ACTN4: variants seen among roughly 807,000 people sequenced by gnomAD.
ACTN4 encodes actinin alpha 4.
Under a neutral mutation model 114.2 loss-of-function variants are expected in ACTN4, and 18 were observed. The ratio of observed to expected loss-of-function variants is 0.16; its 90% CI spans 0.11 to 0.23. ACTN4 has a LOEUF of 0.23. Ranked by LOEUF, ACTN4 falls within the 10% of genes least tolerant of loss-of-function variation. ACTN4 has a pLI of 1.00. For synonymous variants in ACTN4, 515 were observed against 506.3 expected (o/e 1.02, Z -0.23); for missense variants, 722 against 1,262.9 (o/e 0.57, Z 6.49).
chr19:38,716,991 A>G, intron 9 of ACTN4, 95 bp from the exon 10 acceptor site: 1 of 1,378,060 alleles, frequency 7.3e-7, no homozygotes, highest in Admixed American at 2.0e-5. Context: ...GGGGCCCTCA[A>G]AGATCCAGAT....
intron 1 of ACTN4, among the ~76,000 whole-genome samples, chr19:38,680,997 G>A (rs1599790924): frequency 6.6e-6 from 1 of 151,932 alleles, no homozygotes; most frequent in African/African-American, 2.4e-5. Flanking sequence ...GTGGTGGTAT[G>A]TGCCTGTAAT....
In ACTN4 at chr19:38,729,262, T is replaced by G. The variant is rs763407688; in HGVS notation, c.2578-12T>G. On this transcript the variant is annotated splice_polypyrimidine_tract_variant and intron_variant, in intron 20 of 20. Transcript: ENST00000252699. ...GTGGGGATGGCTCAGAGTCCCATCCTGCCTGCCCCAGAACTTCATCACAGC... is the reference window on the plus strand; with the variant it reads ...GTGGGGATGGCTCAGAGTCCCATCCGGCCTGCCCCAGAACTTCATCACAGC... 3.7e-6 allele frequency: 6 copies of G among 1,612,672 alleles called. No individual in the cohort carries two copies. The East Asian group carries it at 1.3e-4, about 36-fold the overall frequency.
chr19:38,676,285 G>A (rs1967371993), intron 1 of ACTN4, among the ~76,000 whole-genome samples: 1 of 152,220 alleles, frequency 6.6e-6, no homozygotes, highest in South Asian at 2.1e-4. Context: ...AGATAAGTAA[G>A]CATTGAGCAT....
At chr19:38,694,914 A>T (rs1257646733) in intron 1 of ACTN4, among the ~76,000 whole-genome samples, 2 of 151,904 alleles carry the variant, frequency 1.3e-5, no homozygotes, top group African/African-American at 4.8e-5. Context: ...TGGCTCTGTC[A>T]CCGAGGCTGG....
chr19:38,730,927 CAG>C lies in ACTN4; in HGVS notation c.*1498_*1499del, dbSNP rs1969536697. The C allele has an allele frequency of 6.4e-7, 1 of 1,550,436 alleles. No individual in the cohort carries two copies. The highest frequency in any genetic ancestry group is 1.2e-5 in the South Asian group (1 of 84,078). ...GGCTTGAGGCAGGGAGCTCGCAGGACAGAGCCTGAGCCACCCTGTCCCTCCCA... is the reference window on the plus strand; with the variant it reads ...GGCTTGAGGCAGGGAGCTCGCAGGACAGCCTGAGCCACCCTGTCCCTCCCA... On this transcript the variant is annotated 3_prime_UTR_variant, in exon 21 of 21. Transcript: ENST00000252699.
At chr19:38,707,902 C>T (rs1351292496) in intron 5 of ACTN4, among the ~76,000 whole-genome samples, 1 of 152,250 alleles carries the variant, frequency 6.6e-6, no homozygotes, top group East Asian at 1.9e-4. Flanking sequence ...CGAGGTCACA[C>T]TGTCAGTAGG....
In ACTN4 at chr19:38,723,737, A is replaced by C; in HGVS notation, c.1551+15A>C. On this transcript the variant is annotated intron_variant, in intron 13 of 20. Transcript: ENST00000252699. ...AAGCCCTGGAGGTGAGGAGGGGGTG[A>C]CATCACCCACGGAGCTCTGTGCCCC... 1 of 1,587,126 alleles carries C rather than the reference A, an allele frequency of 6.3e-7. No homozygotes were observed. The highest frequency in any genetic ancestry group is 8.6e-7 in the Non-Finnish European group (1 of 1,160,626).
At chr19:38,665,273 G>A (rs919343476) in intron 1 of ACTN4, among the ~76,000 whole-genome samples, 3 of 152,170 alleles carry the variant, frequency 2.0e-5, no homozygotes, top group East Asian at 1.9e-4. Context: ...CTCCACCACC[G>A]GCTGGCTGTG....
chr19:38,724,333 G>T lies in ACTN4; in HGVS notation c.1869G>T (p.Trp623Cys). 3 of 1,613,556 alleles carry T rather than the reference G, an allele frequency of 1.9e-6. No homozygotes were observed. The highest frequency in any genetic ancestry group is 1.3e-5 in the African/African-American group (1 of 75,058). ...TVTPQIINSK[W>C]EKVQQLVPKR... is the part of the protein sequence containing the mutation. ...CCCCGCAAATCATCAACTCCAAGTG[G>T]GAGAAGGTGGGCCGGGGCCATCCGT... Residue 623 changes from tryptophan to cysteine, a missense_variant, in exon 15 of 21, where the codon TGG becomes TGT. Trp to Cys is a radical substitution (Grantham distance 215). This residue lies in a region of ACTN4 where 523 missense variants were observed against 875.9 expected (regional missense o/e 0.60). Transcript: ENST00000252699. This position sits in a 1 kb window ranked among gnomAD's most constrained non-coding sequence, Gnocchi z 7.0.
At chr19:38,710,439 G>A (rs1178104563) in intron 8 of ACTN4, 97 bp downstream of exon 8, 2 of 1,349,992 alleles carry the variant, frequency 1.5e-6, no homozygotes, top group East Asian at 2.3e-5. Flanking sequence ...CTTGCAGACG[G>A]CAGTGGCCTC....
At chr19:38,709,524 T>G in intron 7 of ACTN4, 48 bp downstream of exon 7, 2 of 1,551,772 alleles carry the variant, frequency 1.3e-6, no homozygotes, top group Non-Finnish European at 8.9e-7. Context: ...CTGATGGCCT[T>G]TTCTGTCCAG....
At chr19:38,701,586 AG>A (rs1968279358) in intron 3 of ACTN4, among the ~76,000 whole-genome samples, 1 of 152,200 alleles carries the variant, frequency 6.6e-6, no homozygotes, top group African/African-American at 2.4e-5. Context: ...GCACGGCCAA[AG>A]GTCAGTGCCT....
At chr19:38,667,801 T>C (rs907084835) in intron 1 of ACTN4, among the ~76,000 whole-genome samples, 1 of 152,118 alleles carries the variant, frequency 6.6e-6, no homozygotes, top group African/African-American at 2.4e-5. Context: ...AGGAACCGTC[T>C]GGAGCGTCCC....
chr19:38,710,786 A>C (rs1054359113), intron 8 of ACTN4: 1 of 314,524 alleles, frequency 3.2e-6, no homozygotes, highest in Non-Finnish European at 6.3e-6. Flanking sequence ...CAGGTGTTCC[A>C]GGCAGAGGGT....
At chr19:38,698,316 A>G (rs1687312183) in intron 1 of ACTN4, among the ~76,000 whole-genome samples, 1 of 152,164 alleles carries the variant, frequency 6.6e-6, no homozygotes, top group African/African-American at 2.4e-5. Context: ...TAGGAAGGTT[A>G]GGTGACGTGC....
In ACTN4 at chr19:38,673,476, T is replaced by TTATATATATTC. The variant is rs1491583707; in HGVS notation, c.162+25569_162+25570insTATATATATTC. On this transcript the variant is annotated intron_variant, in intron 1 of 20. Transcript: ENST00000252699. Reference sequence around the variant, plus strand: ...ATATTCATATATATTTATATATATTTATATATATATTCATATATATTTATA... The same window carrying TTATATATATTC: ...ATATTCATATATATTTATATATATTTTATATATATTCATATATATATTCATATATATTTATA... Among the ~76,000 whole-genome samples, 332 of 50,424 alleles carry TTATATATATTC rather than the reference T, an allele frequency of 6.6e-3. 2 individuals are homozygous for TTATATATATTC. Among genetic ancestry groups the TTATATATATTC allele is most frequent in the Non-Finnish European group, 0.014 (277 of 19,304 alleles). The allele number at this position is 50,424 out of a possible 152,430, so 33.1% of individuals were successfully genotyped here.
At chr19:38,664,965 T>C (rs1234816260) in intron 1 of ACTN4, among the ~76,000 whole-genome samples, 2 of 152,118 alleles carry the variant, frequency 1.3e-5, no homozygotes, top group Non-Finnish European at 2.9e-5. Context: ...TCCCAGGGGC[T>C]GGGAGGAGCC....
At position 38,724,826 on chromosome 19, in the gene ACTN4, A is replaced by G. The variant is rs1270236551; in HGVS notation, c.2010+261A>G. Among the ~76,000 whole-genome samples the G allele has an allele frequency of 6.6e-6, 1 of 152,250 alleles. No individual in the cohort carries two copies. The highest frequency in any genetic ancestry group is 1.5e-5 in the Non-Finnish European group (1 of 68,042). ...CGAGACCAGCCTGGGCAACATAGTG[A>G]GACCCCAACTCTACAAAAAATACAA... On this transcript the variant is annotated intron_variant, in intron 16 of 20. Transcript: ENST00000252699. The surrounding 1 kb of genome is among the most constrained non-coding windows in gnomAD (Gnocchi z 7.0).
chr19:38,667,248 G>A (rs981169247), intron 1 of ACTN4, among the ~76,000 whole-genome samples: 2 of 152,134 alleles, frequency 1.3e-5, no homozygotes, highest in Non-Finnish European at 2.9e-5. Flanking sequence ...TGCCAAGGAG[G>A]CAAACCTAGG....
Sources: gnomAD v4.1 joint callset for allele counts (sites outside exome capture counted in the v4.1 genomes callset) on GRCh38, gnomAD v4.1.1 for gene constraint, gnomAD v4.1.1 regional missense constraint, Gnocchi (gnomAD v3.1) non-coding constraint, MANE v1.5 for transcripts, NCBI Gene and HGNC (gene_info 2026-07-23, HGNC 2026-07-21) for gene names.